IQSEC1: variants seen among roughly 807,000 people sequenced by gnomAD.
IQSEC1 encodes the protein IQ motif and SEC7 domain-containing protein 1.
In IQSEC1, 31 loss-of-function variants were observed where a neutral mutation model predicts 91.0. The observed-to-expected ratio is 0.34, with a 90% confidence interval of 0.26 to 0.46. IQSEC1 has a LOEUF of 0.46. IQSEC1 is among the 20% of genes least tolerant of loss of function. The probability of loss-of-function intolerance (pLI) is 1.00; values close to 1 mark genes in which losing one functional copy is unlikely to be tolerated. For synonymous variants in IQSEC1, 699 were observed against 662.6 expected (o/e 1.05, Z -0.84); for missense variants, 1,388 against 1,575.6 (o/e 0.88, Z 2.02).
chr3:13,226,502 G>C (rs1271112845), intron 1 of IQSEC1, among the ~76,000 whole-genome samples: 14 of 151,876 alleles, frequency 9.2e-5, no homozygotes, highest in Admixed American at 2.6e-4. Context: ...TGTAATCCCA[G>C]TGATTTTGGG....
At chr3:13,041,104 C>T (rs1377673931) in intron 1 of IQSEC1, among the ~76,000 whole-genome samples, 2 of 152,120 alleles carry the variant, frequency 1.3e-5, no homozygotes, top group African/African-American at 4.8e-5. Flanking sequence ...TTTAATGCTT[C>T]TTTTGCAGGA....
At chr3:13,030,073 G>A (rs1254083324) in intron 1 of IQSEC1, among the ~76,000 whole-genome samples, 1 of 152,172 alleles carries the variant, frequency 6.6e-6, no homozygotes, top group Non-Finnish European at 1.5e-5. Flanking sequence ...GGAAGTGTTA[G>A]GATTACAGGC....
chr3:13,281,772 C>T (rs1695794114), intron 1 of IQSEC1, among the ~76,000 whole-genome samples: 1 of 152,246 alleles, frequency 6.6e-6, no homozygotes, highest in Non-Finnish European at 1.5e-5. Flanking sequence ...CACGGCCACT[C>T]CCCCAACCAC....
At chr3:13,084,018 A>G (rs955211148) in intron 2 of IQSEC1, among the ~76,000 whole-genome samples, 1 of 152,200 alleles carries the variant, frequency 6.6e-6, no homozygotes, top group African/African-American at 2.4e-5. Context: ...GGAGGGCGGA[A>G]GGCCATATGT....
chr3:13,053,024 A>C (rs1250704731), intron 1 of IQSEC1: 1 of 1,170,438 alleles, frequency 8.5e-7, no homozygotes, highest in African/African-American at 1.5e-5. Flanking sequence ...GCCTGATTTT[A>C]TTACCAGTTT....
intron 2 of IQSEC1, among the ~76,000 whole-genome samples, chr3:13,142,701 C>T (rs1221811427): frequency 2.0e-5 from 3 of 152,246 alleles, no homozygotes; most frequent in South Asian, 4.1e-4. Context: ...CATTTCATCA[C>T]AAGTCAAAGT....
intron 2 of IQSEC1, among the ~76,000 whole-genome samples, chr3:13,110,630 C>T (rs1706227891): frequency 6.6e-6 from 1 of 152,180 alleles, no homozygotes; most frequent in Admixed American, 6.5e-5. Context: ...CCTGATTCTG[C>T]ACACCCACCA....
At chr3:13,254,931 T>C (rs1024521277) in intron 1 of IQSEC1, among the ~76,000 whole-genome samples, 1 of 152,174 alleles carries the variant, frequency 6.6e-6, no homozygotes, top group African/African-American at 2.4e-5. Context: ...ACAGCCTTCC[T>C]GCTTCCCCAG....
At chr3:13,036,947 C>G (rs1269960595) in intron 1 of IQSEC1, among the ~76,000 whole-genome samples, 2 of 152,134 alleles carry the variant, frequency 1.3e-5, no homozygotes, top group African/African-American at 4.8e-5. Context: ...AGCGTGTGGG[C>G]AGAGTTCCTA....
chr3:13,225,701 T>G (rs1378524093), intron 1 of IQSEC1, among the ~76,000 whole-genome samples: 1 of 152,142 alleles, frequency 6.6e-6, no homozygotes, highest in Non-Finnish European at 1.5e-5. Flanking sequence ...AGATCACTTC[T>G]AAGGACTCTG....
Position 12,936,213 on chromosome 3 carries a change from T to C in IQSEC1, c.803A>G (p.Gln268Arg), listed in dbSNP as rs1386366332. 2 of 1,612,964 alleles carry C rather than the reference T, an allele frequency of 1.2e-6. No individual in the cohort carries two copies. The highest frequency in any genetic ancestry group is 2.7e-5 in the African/African-American group (2 of 74,920). ...GTGGTCCATGCCGTGCAGGGCTGTC[T>C]GGGGTTCGGTGTCCCGGGCCCGCGC... is the stretch of plus-strand genomic sequence containing the variant. ...DAARARDTEP[Q>R]TALHGMDHRK... The change falls in exon 3 of 14, where the codon CAG (glutamine) becomes CGG (arginine). Residue 268 changes from glutamine to arginine, a missense_variant. By Grantham distance (43) the Gln-to-Arg change is conservative. Coordinates refer to ENST00000613206, the MANE Select transcript of IQSEC1 (RefSeq NM_001134382.3).
intron 1 of IQSEC1, among the ~76,000 whole-genome samples, chr3:12,986,520 A>G (rs929434791): frequency 2.0e-5 from 3 of 152,210 alleles, no homozygotes; most frequent in Non-Finnish European, 4.4e-5. Context: ...CGATGGCCCA[A>G]GATGAGGTAT....
chr3:13,132,812 G>T (rs1342952940), intron 2 of IQSEC1, among the ~76,000 whole-genome samples: 1 of 152,146 alleles, frequency 6.6e-6, no homozygotes, highest in African/African-American at 2.4e-5. Flanking sequence ...TGTTTCACCA[G>T]GAAACTTTAG....
intron 1 of IQSEC1, among the ~76,000 whole-genome samples, chr3:13,239,580 C>T (rs1046542104): frequency 1.2e-4 from 18 of 152,258 alleles, no homozygotes; most frequent in African/African-American, 4.1e-4. Context: ...AGCTGCCCGC[C>T]CCTTGGGACG....
intron 1 of IQSEC1, among the ~76,000 whole-genome samples, chr3:13,050,616 C>A (rs1170464053): frequency 1.3e-5 from 2 of 152,224 alleles, no homozygotes; most frequent in Non-Finnish European, 2.9e-5. Context: ...GGGTTCAAAT[C>A]CCAGCTATGC....
rs888241687 is a variant in IQSEC1 at position 13,214,793 on chromosome 3, C to G, written c.273-50660G>C. ...TTCTGACCTTCCAGATGGTGTGCGGCACCTGGCATTCTGGAACTTCTCTTT... is the reference window on the plus strand; with the variant it reads ...TTCTGACCTTCCAGATGGTGTGCGGGACCTGGCATTCTGGAACTTCTCTTT... On this transcript the variant is annotated intron_variant, in intron 1 of 15. Coordinates refer to the IQSEC1 transcript ENST00000648114. The surrounding 1 kb of genome is among the most constrained non-coding windows in gnomAD (Gnocchi z 4.5). 1.3e-5 allele frequency among the ~76,000 whole-genome samples: 2 copies of G among 152,232 alleles called. No individual in the cohort carries two copies. Among genetic ancestry groups the G allele is most frequent in the African/African-American group, 4.8e-5 (2 of 41,464 alleles).
intron 1 of IQSEC1, among the ~76,000 whole-genome samples, chr3:13,261,388 C>A (rs6788266): frequency 0.014 from 2,101 of 152,338 alleles, 54 homozygotes; most frequent in African/African-American, 0.047. Flanking sequence ...TATGGGAGGC[C>A]TCTGCAGAGA....
At chr3:12,926,422 G>A (rs922113456) in intron 3 of IQSEC1, among the ~76,000 whole-genome samples, 1 of 152,242 alleles carries the variant, frequency 6.6e-6, no homozygotes, top group South Asian at 2.1e-4. Flanking sequence ...GCCACTCAGG[G>A]AGCTGTATGG....
chr3:13,234,247 C>A (rs111707859), intron 1 of IQSEC1, among the ~76,000 whole-genome samples: 2 of 144,490 alleles, frequency 1.4e-5, no homozygotes, highest in Admixed American at 6.8e-5. Flanking sequence ...TGGGTGTGAG[C>A]CCCCGTGTCT....
Sources: gnomAD v4.1 joint callset for allele counts (sites outside exome capture counted in the v4.1 genomes callset) on GRCh38, gnomAD v4.1.1 for gene constraint, Gnocchi (gnomAD v3.1) non-coding constraint, MANE v1.5 for transcripts, NCBI Gene and HGNC (gene_info 2026-07-23, HGNC 2026-07-21) for gene names.